The following RGSL1 variants were observed in gnomAD, a reference collection of about 807,000 sequenced individuals.
RGSL1 encodes the protein regulator of G protein signaling like 1.
Under a neutral mutation model 124.7 loss-of-function variants are expected in RGSL1, and 97 were observed. The observed-to-expected ratio is 0.78, with a 90% CI of 0.66 to 0.92. The LOEUF (loss-of-function observed/expected upper bound fraction) is 0.92, where lower values mean the gene tolerates loss of function less well. Among genes scored for constraint, RGSL1 ranks in the 40% least tolerant of loss-of-function variants. RGSL1 has a pLI of 0.00. For synonymous variants in RGSL1, 424 were observed against 438.1 expected (o/e 0.97, Z 0.40); for missense variants, 1,233 against 1,288.4 (o/e 0.96, Z 0.66).
chr1:182,486,025 T>G (rs1039045838), intron 6 of RGSL1, among the ~76,000 whole-genome samples: 1 of 152,078 alleles, frequency 6.6e-6, no homozygotes, highest in Admixed American at 6.6e-5. Flanking sequence ...TCATAGAAAA[T>G]GTTTGCAGAA....
In RGSL1 at chr1:182,489,026, T is replaced by C; in HGVS notation, c.1541T>C (p.Ile514Thr). Residue 514 changes from isoleucine (I) to threonine (T), a missense_variant, in exon 8 of 22, where the codon ATA becomes ACA. Coordinates refer to ENST00000294854, the MANE Select transcript of RGSL1 (RefSeq NM_001137669.2). The part of the protein sequence containing the change: ...ISSRQHKREF[I>T]GKEENILLYK... ...TCCAGACAGCATAAAAGAGAATTTATAGGCAAAGAAGAGAACATTCTTCTT... is the reference window on the plus strand; with the variant it reads ...TCCAGACAGCATAAAAGAGAATTTACAGGCAAAGAAGAGAACATTCTTCTT... 9 of 1,551,506 alleles carry C rather than the reference T, an allele frequency of 5.8e-6. No individual in the cohort carries two copies. The highest frequency in any genetic ancestry group is 7.0e-6 in the Non-Finnish European group (8 of 1,147,010).
At chr1:182,548,153 C>T (rs1660335638) in intron 15 of RGSL1, among the ~76,000 whole-genome samples, 164 bp from the exon 16 acceptor site, 1 of 152,128 alleles carries the variant, frequency 6.6e-6, no homozygotes, top group African/African-American at 2.4e-5. Context: ...GATAAGTGCT[C>T]AGTATTTGCC....
chr1:182,474,228 G>A lies in RGSL1; in HGVS notation c.1117G>A (p.Ala373Thr). ...CTTCTCCTTAGGATACATCCACTTG[G>A]CCTTGTGTGCTGATGCCTGTGCAGG... is the stretch of plus-strand genomic sequence containing the variant. ...QSFSLGYIHL[A>T]LCADACAGNP... Residue 373 changes from alanine to threonine, a missense_variant, in exon 6 of 22, where the codon GCC becomes ACC. Ala to Thr is a moderately conservative substitution (Grantham distance 58). Coordinates refer to ENST00000294854, the MANE Select transcript of RGSL1 (RefSeq NM_001137669.2). The A allele has an allele frequency of 6.4e-7, 1 of 1,551,914 alleles. No homozygotes were observed. The highest frequency in any genetic ancestry group is 1.2e-5 in the South Asian group (1 of 84,050).
chr1:182,503,539 T>C (rs1361005888), intron 9 of RGSL1, among the ~76,000 whole-genome samples: 1 of 120,226 alleles, frequency 8.3e-6, no homozygotes, highest in Non-Finnish European at 1.6e-5. Flanking sequence ...ATTGAACCCA[T>C]GGAGAAAGAG....
intron 9 of RGSL1, among the ~76,000 whole-genome samples, chr1:182,509,766 G>A (rs867296708): frequency 1.5e-5 from 2 of 131,554 alleles, no homozygotes; most frequent in African/African-American, 5.8e-5. Context: ...GGGTGGGGGG[G>A]CTGACCCCCC....
intron 15 of RGSL1, among the ~76,000 whole-genome samples, chr1:182,541,961 A>G (rs575820064): frequency 2.0e-5 from 3 of 152,178 alleles, no homozygotes; most frequent in South Asian, 2.1e-4. Flanking sequence ...TGAGCTCCTT[A>G]TATATTCTGG....
chr1:182,541,198 T>G (rs553571500), intron 15 of RGSL1, among the ~76,000 whole-genome samples: 9 of 152,288 alleles, frequency 5.9e-5, no homozygotes, highest in Non-Finnish European at 1.0e-4. Context: ...ACTTCTTCTA[T>G]CTAACTGTGT....
rs1314673670 is a variant in RGSL1 at position 182,527,718 on chromosome 1, A to T, written c.2071A>T (p.Lys691Ter). ...ISIETNEKICKSLIENVIKTF... is the reference protein window; with the variant it reads ...ISIETNEKIC The stretch of plus-strand genomic sequence containing the variant: ...TATAGAGACCAATGAAAAGATTTGC[A>T]AGTCTCTCATAGAAAATGTAATCAA... The change falls in exon 11 of 22, where the codon AAG becomes TAG. Residue 691 changes from lysine (K) to a stop codon, truncating the protein, a stop_gained. Transcript: ENST00000294854. LOFTEE classifies it high-confidence loss of function. 1 of 1,551,082 alleles carries T rather than the reference A, an allele frequency of 6.4e-7. No individual in the cohort carries two copies. The highest frequency in any genetic ancestry group is 2.0e-5 in the Admixed American group (1 of 50,940).
intron 9 of RGSL1, among the ~76,000 whole-genome samples, chr1:182,496,848 G>A (rs979444434): frequency 2.0e-5 from 3 of 151,716 alleles, no homozygotes; most frequent in Non-Finnish European, 2.9e-5. Flanking sequence ...ATTTTGGAGA[G>A]GATGTCCAAA....
At chr1:182,490,750 C>T (rs986105758) in intron 8 of RGSL1, among the ~76,000 whole-genome samples, 7 of 152,078 alleles carry the variant, frequency 4.6e-5, no homozygotes, top group African/African-American at 1.7e-4. Flanking sequence ...TGTCCCTCTC[C>T]AAAGCACATA....
chr1:182,487,543 T>C (rs1401169220), intron 6 of RGSL1, among the ~76,000 whole-genome samples: 1 of 152,250 alleles, frequency 6.6e-6, no homozygotes, highest in Non-Finnish European at 1.5e-5. Flanking sequence ...CTACTTATCC[T>C]GCAAGGTGCA....
chr1:182,528,844 T>C (rs1658950368), intron 11 of RGSL1, among the ~76,000 whole-genome samples: 1 of 152,232 alleles, frequency 6.6e-6, no homozygotes, highest in Admixed American at 6.5e-5. Flanking sequence ...AGAGGTTTAA[T>C]TGACGCACAG....
chr1:182,474,229 C>T lies in RGSL1; in HGVS notation c.1118C>T (p.Ala373Val), dbSNP rs973209023. Residue 373 changes from alanine to valine, a missense_variant, in exon 6 of 22, where the codon GCC (alanine) becomes GTC (valine). Transcript: ENST00000294854. ...QSFSLGYIHL[A>V]LCADACAGNP... ...TTCTCCTTAGGATACATCCACTTGG[C>T]CTTGTGTGCTGATGCCTGTGCAGGG... 1 of 1,551,892 alleles carries T rather than the reference C, an allele frequency of 6.4e-7. No homozygotes were observed. The highest frequency in any genetic ancestry group is 8.7e-7 in the Non-Finnish European group (1 of 1,147,022).
In RGSL1 at chr1:182,556,073, A is replaced by G; in HGVS notation, c.*16A>G. On this transcript the variant is annotated 3_prime_UTR_variant, in exon 21 of 22. Transcript: ENST00000294854. ...AGAGAAGTAATCAAGCGAGACCCCC[A>G]GCAGAGATAAATCATCTCTTAGAGG... is the stretch of plus-strand genomic sequence containing the variant. 6.4e-7 allele frequency: 1 copy of G among 1,550,690 alleles called. No individual in the cohort carries two copies. The highest frequency in any genetic ancestry group is 8.7e-7 in the Non-Finnish European group (1 of 1,146,198).
intron 8 of RGSL1, among the ~76,000 whole-genome samples, chr1:182,491,085 G>T (rs1467353592): frequency 6.6e-6 from 1 of 150,602 alleles, no homozygotes; most frequent in East Asian, 2.0e-4. Flanking sequence ...GATGGGTCTT[G>T]CCATGTTGCC....
Position 182,553,418 on chromosome 1 carries a change from G to A in RGSL1, c.3044-37G>A, listed in dbSNP as rs1009483548. 4.3e-5 allele frequency: 64 copies of A among 1,477,152 alleles called. No homozygotes were observed. The African/African-American group carries it at 4.3e-4, about 10-fold the overall frequency. The allele number at this position is 1,477,152 out of a possible 1,614,324, so 91.5% of individuals were successfully genotyped here. A position where few individuals can be genotyped will look rare whatever the true frequency, so the allele number is the denominator to read the frequency against. Reference sequence around the variant, plus strand: ...GAGATTTATTTCAGTAGGAGTTGTCGCAGGTGTTTTTAATGCTTGTTTTTG... The same window carrying A: ...GAGATTTATTTCAGTAGGAGTTGTCACAGGTGTTTTTAATGCTTGTTTTTG... On this transcript the variant is annotated intron_variant, in intron 18 of 21. Transcript: ENST00000294854.
At chr1:182,461,031 C>T (rs1652789344) in intron 4 of RGSL1, among the ~76,000 whole-genome samples, 1 of 152,178 alleles carries the variant, frequency 6.6e-6, no homozygotes, top group South Asian at 2.1e-4. Flanking sequence ...AAGACGTGGG[C>T]ACACATTGTT....
chr1:182,532,733 T>C lies in RGSL1; in HGVS notation c.2436T>C (p.Pro812=), dbSNP rs1292424530. The C allele has an allele frequency of 1.0e-5, 16 of 1,551,114 alleles. No individual in the cohort carries two copies. The highest frequency in any genetic ancestry group is 1.3e-5 in the Non-Finnish European group (15 of 1,146,524). Residue 812 remains proline, a synonymous_variant, in exon 14 of 22, where the codon CCT becomes CCC. Transcript: ENST00000294854. The part of the protein sequence containing the change: ...FCKYRRFMLN[P]SKRQEFEDYL... ...AGTACCGCAGATTTATGTTGAATCC[T>C]AGTAAGCGCCAGGAATTTGAAGACT...
chr1:182,526,453 A>G (rs1008508678), intron 10 of RGSL1, among the ~76,000 whole-genome samples: 3 of 152,054 alleles, frequency 2.0e-5, no homozygotes, highest in Non-Finnish European at 4.4e-5. Context: ...AGATTGCTTG[A>G]GCTCAGGAGT....
Sources: gnomAD v4.1 joint callset for allele counts (sites outside exome capture counted in the v4.1 genomes callset) on GRCh38, gnomAD v4.1.1 for gene constraint, MANE v1.5 for transcripts, NCBI Gene and HGNC (gene_info 2026-07-23, HGNC 2026-07-21) for gene names.